Variants in ZNF273 observed in about 807,000 individuals in gnomAD.
ZNF273 encodes the protein zinc finger protein 9.
ZNF273 carries 11 observed loss-of-function variants against 14.9 expected under a neutral mutation model. That is an observed-to-expected ratio of 0.74 (90% CI 0.46 to 1.22). ZNF273 has a LOEUF of 1.22. Among genes scored for constraint, ZNF273 ranks in the 50% most tolerant of loss-of-function variants. ZNF273 has a pLI of 0.00. For synonymous variants in ZNF273, 199 were observed against 223.9 expected, an observed-to-expected ratio of 0.89 and a Z score of 0.99; for missense variants, 577 against 660.6, an observed-to-expected ratio of 0.87 and a Z score of 1.39.
intron 3 of ZNF273, among the ~76,000 whole-genome samples, chr7:64,919,228 G>T (rs1387569899): frequency 2.0e-5 from 3 of 152,026 alleles, no homozygotes; most frequent in African/African-American, 7.3e-5. Flanking sequence ...TTTTGATAGG[G>T]CGTTTATTGA....
rs1308306574 is a variant in ZNF273, at chr7:64,929,818, A to G, written c.*780A>G. The G allele has an allele frequency of 1.3e-5, 2 of 152,982 alleles. No individual in the cohort carries two copies. The highest frequency in any genetic ancestry group is 1.3e-4 in the Admixed American group (2 of 15,234). The allele number at this position is 152,982 out of a possible 1,614,324, so 9.5% of individuals were successfully genotyped here. A position where few individuals can be genotyped will look rare whatever the true frequency, so the allele number is the denominator to read the frequency against. On this transcript the variant is annotated 3_prime_UTR_variant, in exon 4 of 4. Coordinates refer to ENST00000476120, the MANE Select transcript of ZNF273 (RefSeq NM_021148.3). ...AAGTGAATAATGTAATTCAACTCTC[A>G]AATTCATGGTTTTTTTTTTTTTGGT... is the stretch of plus-strand genomic sequence containing the variant.
intron 1 of ZNF273, among the ~76,000 whole-genome samples, chr7:64,887,176 T>TCC (rs1362581764): frequency 6.6e-6 from 1 of 152,258 alleles, no homozygotes; most frequent in Non-Finnish European, 1.5e-5. Flanking sequence ...GGTCTATCAT[T>TCC]ATTTTCTGAT....
chr7:64,933,515 A>G (rs1284696241), downstream of ZNF273: 1 of 152,204 alleles, frequency 6.6e-6, no homozygotes, highest in African/African-American at 2.4e-5. Flanking sequence ...TACCATTACC[A>G]TCTGTACCAG....
chr7:64,930,131 T>C lies in ZNF273; in HGVS notation c.*1093T>C, dbSNP rs1231351309. The stretch of plus-strand genomic sequence containing the variant: ...TGCCCGCCTCGGCCTCCCAAAATGT[T>C]GGGATTACAGGCATGAGCCACTGCA... On this transcript the variant is annotated 3_prime_UTR_variant, in exon 4 of 4. Coordinates refer to ENST00000476120, the MANE Select transcript of ZNF273 (RefSeq NM_021148.3). 6.6e-6 allele frequency: 1 copy of C among 152,284 alleles called. No individual in the cohort carries two copies. Among genetic ancestry groups the C allele is most frequent in the Non-Finnish European group, 1.5e-5 (1 of 68,068 alleles). 9.4% of individuals were successfully genotyped at this position (152,284 alleles called of 1,614,324 possible).
In ZNF273 at chr7:64,928,449, A is replaced by G; in HGVS notation, c.1121A>G (p.Tyr374Cys). ...HKRIHTGEKP[Y>C]KCEECGKAFN... ...AGAATTCATACTGGAGAGAAACCCT[A>G]CAAATGTGAAGAATGTGGCAAAGCT... The change falls in exon 4 of 4, where the codon TAC becomes TGC. Residue 374 changes from tyrosine to cysteine, a missense_variant. Around this residue, in one of 3 missense-constraint regions of ZNF273, gnomAD observed 411 missense variants for 440.4 expected, o/e 0.93. Coordinates refer to ENST00000476120, the MANE Select transcript of ZNF273 (RefSeq NM_021148.3). 1 of 1,613,756 alleles carries G rather than the reference A, an allele frequency of 6.2e-7. No homozygotes were observed.
In ZNF273 at chr7:64,918,291, A is replaced by G; in HGVS notation, c.324A>G (p.Pro108=). Residue 108 remains proline, a splice_region_variant and synonymous_variant, in exon 3 of 4, where the codon CCA becomes CCG. Transcript: ENST00000476120. ...MKRHAMVAKP[P]VVCSHFAQDL... is the part of the protein sequence containing the mutation. ...GACATGCGATGGTAGCCAAACCCCCAGGTAGGTGAGAGTGATAGCGAATAT... is the reference window on the plus strand; with the variant it reads ...GACATGCGATGGTAGCCAAACCCCCGGGTAGGTGAGAGTGATAGCGAATAT... 1 of 1,555,520 alleles carries G rather than the reference A, an allele frequency of 6.4e-7. No homozygotes were observed. Among genetic ancestry groups the G allele is most frequent in the South Asian group, 1.1e-5 (1 of 89,802 alleles).
At chr7:64,881,727 G>A (rs1383396017), downstream of ZNF273, among the ~76,000 whole-genome samples, 1 of 152,178 alleles carries the variant, frequency 6.6e-6, no homozygotes, top group African/African-American at 2.4e-5. Flanking sequence ...GTCATGGGTC[G>A]TGGTCTCTTT....
chr7:64,915,326 C>G (rs1307928543), intron 1 of ZNF273, among the ~76,000 whole-genome samples: 1 of 152,104 alleles, frequency 6.6e-6, no homozygotes, highest in East Asian at 1.9e-4. Context: ...AAGACACACA[C>G]AGAAATATAG....
At chr7:64,914,082 AC>A (rs1198705726) in intron 1 of ZNF273, among the ~76,000 whole-genome samples, 1 of 150,576 alleles carries the variant, frequency 6.6e-6, no homozygotes, top group Non-Finnish European at 1.5e-5. Context: ...GATCTCGGCT[AC>A]TTCAGCCTCT....
intron 1 of ZNF273, among the ~76,000 whole-genome samples, chr7:64,908,507 C>T (rs1161105452): frequency 6.6e-6 from 1 of 152,182 alleles, no homozygotes; most frequent in African/African-American, 2.4e-5. Flanking sequence ...ACTCAGGCTA[C>T]AGTGCAGTGG....
Position 64,927,722 on chromosome 7 carries a change from A to T in ZNF273, c.394A>T (p.Ile132Leu). The T allele has an allele frequency of 1.2e-6, 2 of 1,610,976 alleles. No individual in the cohort carries two copies. Among genetic ancestry groups the T allele is most frequent in the Non-Finnish European group, 1.7e-6 (2 of 1,179,224 alleles). ...CTTAAAAGATTCTTTTCAAAAAGTG[A>T]TACTGAGAAGATATGGAAAATATGG... ...QGLKDSFQKVILRRYGKYGHE... is the reference protein window; with the variant it reads ...QGLKDSFQKVLLRRYGKYGHE... Residue 132 changes from isoleucine (I) to leucine (L), a missense_variant, in exon 4 of 4, where the codon ATA becomes TTA. Physicochemically the swap from Ile to Leu is conservative, Grantham distance 5. This residue lies in a region of ZNF273 where 162 missense variants were observed against 203.5 expected (regional missense o/e 0.80). Transcript: ENST00000476120.
At chr7:64,923,071 T>G (rs1348604049) in intron 3 of ZNF273, among the ~76,000 whole-genome samples, 4 of 152,176 alleles carry the variant, frequency 2.6e-5, no homozygotes, top group African/African-American at 9.6e-5. Flanking sequence ...TTACTAAGTG[T>G]TTTTATCTTA....
chr7:64,931,142 TGTGA>T (rs1402084273), downstream of ZNF273, among the ~76,000 whole-genome samples: 1 of 152,162 alleles, frequency 6.6e-6, no homozygotes, highest in Non-Finnish European at 1.5e-5. Context: ...AGTGTGCTTG[TGTGA>T]GTATGTTTGT....
At chr7:64,904,300 G>A (rs773223325) in intron 1 of ZNF273, among the ~76,000 whole-genome samples, 7 of 152,144 alleles carry the variant, frequency 4.6e-5, no homozygotes, top group African/African-American at 9.7e-5. Context: ...GTGTTGCCCA[G>A]CCTGGTCTCG....
At position 64,927,881 on chromosome 7, in the gene ZNF273, A is replaced by T. The variant is rs1298787924; in HGVS notation, c.553A>T (p.Lys185Ter). 6.2e-7 allele frequency: 1 copy of T among 1,613,720 alleles called. No individual in the cohort carries two copies. Among genetic ancestry groups the T allele is most frequent in the Non-Finnish European group, 8.5e-7 (1 of 1,179,860 alleles). ...SKIFQCDKYV[K>*]VLHKFSNSNI... ...AATATTTCAATGTGATAAATATGTT[A>T]AAGTCCTTCATAAATTCTCAAATTC... Residue 185 changes from lysine to a stop codon, truncating the protein, a stop_gained, in exon 4 of 4, where the codon AAA becomes TAA. Coordinates refer to ENST00000476120, the MANE Select transcript of ZNF273 (RefSeq NM_021148.3). LOFTEE classifies it low-confidence loss of function (END_TRUNC).
intron 3 of ZNF273, among the ~76,000 whole-genome samples, chr7:64,920,184 T>G (rs746022414): frequency 1.1e-4 from 16 of 152,208 alleles, no homozygotes; most frequent in Non-Finnish European, 1.6e-4. Flanking sequence ...TTTAGTTGGC[T>G]TGTTACAAGG....
downstream of ZNF273, among the ~76,000 whole-genome samples, chr7:64,881,110 A>G (rs1401348690): frequency 6.6e-6 from 1 of 152,118 alleles, no homozygotes; most frequent in African/African-American, 2.4e-5. Context: ...GGCCGTCCAA[A>G]CCATAGCCCA....
intron 1 of ZNF273, among the ~76,000 whole-genome samples, chr7:64,912,825 A>ATTTTTTTTTTTTTTTTTTTTTT (rs1562959126): frequency 1.2e-4 from 2 of 16,848 alleles, no homozygotes; most frequent in Non-Finnish European, 6.9e-4. Flanking sequence ...GATTCATTTT[A>ATTTTTTTTTTTTTTTTTTTTTT]GTTTTTTTTT....
At chr7:64,883,217 C>CCA (rs1554378892), downstream of ZNF273, among the ~76,000 whole-genome samples, 16 of 143,624 alleles carry the variant, frequency 1.1e-4, no homozygotes, top group Non-Finnish European at 2.2e-4. Context: ...AATCACCACC[C>CCA]CCCCCTCACC....
Sources: gnomAD v4.1 joint callset for allele counts (sites outside exome capture counted in the v4.1 genomes callset) on GRCh38, gnomAD v4.1.1 for gene constraint, gnomAD v4.1.1 regional missense constraint, MANE v1.5 for transcripts, NCBI Gene and HGNC (gene_info 2026-07-23, HGNC 2026-07-21) for gene names.